The following TARBP1 variants were observed in gnomAD, a reference collection of about 807,000 sequenced individuals.
The protein encoded by TARBP1 is tRNA guanosine 2 -O-methyltransferase TARBP1, also known as tRNA (guanosine(18)-2'-O)-methyltransferase TARBP1.
In TARBP1, 144 loss-of-function variants were observed where a neutral mutation model predicts 178.6. That is an observed-to-expected ratio of 0.81 (90% CI 0.70 to 0.93). The LOEUF (loss-of-function observed/expected upper bound fraction) is 0.93, where lower values mean the gene tolerates loss of function less well. Ranked by LOEUF, TARBP1 falls within the 40% of genes least tolerant of loss-of-function variation. The pLI is 0.00. For synonymous variants in TARBP1, 787 were observed against 781.0 expected, an observed-to-expected ratio of 1.01 and a Z score of -0.13; for missense variants, 2,067 against 2,011.7, an observed-to-expected ratio of 1.03 and a Z score of -0.53.
intron 16 of TARBP1, 28 bp downstream of exon 16, chr1:234,429,388 G>A: frequency 6.3e-7 from 1 of 1,589,076 alleles, no homozygotes. Context: ...TATAGTTACT[G>A]TTCAATTCAT....
chr1:234,460,130 A>T, intron 7 of TARBP1, 131 bp downstream of exon 7: 1 of 1,027,086 alleles, frequency 9.7e-7, no homozygotes, highest in Non-Finnish European at 1.3e-6. Flanking sequence ...ATGTAAAATT[A>T]AGAGCCCAAA....
intron 11 of TARBP1, 30 bp from the exon 12 acceptor site, chr1:234,447,005 C>A (rs1318282186): frequency 1.2e-6 from 2 of 1,608,648 alleles, no homozygotes; most frequent in Admixed American, 1.7e-5. Context: ...CCAAAATCAA[C>A]CATTTCAAAA....
intron 20 of TARBP1, 122 bp downstream of exon 20, chr1:234,425,551 C>T (rs1023298406): frequency 6.4e-6 from 7 of 1,087,394 alleles, no homozygotes; most frequent in Non-Finnish European, 9.4e-6. Context: ...AAATACAGAA[C>T]ATAAACTTTG....
intron 24 of TARBP1, among the ~76,000 whole-genome samples, chr1:234,404,493 T>C (rs1661013832): frequency 1.3e-5 from 2 of 152,178 alleles, no homozygotes; most frequent in African/African-American, 2.4e-5. Flanking sequence ...CAGCCATGTA[T>C]TCACCAAATA....
chr1:234,475,266 C>G (rs1669470725), intron 1 of TARBP1, among the ~76,000 whole-genome samples: 5 of 152,198 alleles, frequency 3.3e-5, no homozygotes, highest in Admixed American at 2.6e-4. Flanking sequence ...ACGTGCCTGT[C>G]CCCCTGGACC....
chr1:234,459,101 C>A, intron 8 of TARBP1, 129 bp downstream of exon 8: 2 of 631,812 alleles, frequency 3.2e-6, no homozygotes, highest in Non-Finnish European at 5.4e-6. Flanking sequence ...TTATTACAAG[C>A]ACATTTATTA....
chr1:234,418,809 T>C (rs1256390178), intron 21 of TARBP1, among the ~76,000 whole-genome samples: 1 of 152,230 alleles, frequency 6.6e-6, no homozygotes, highest in East Asian at 1.9e-4. Flanking sequence ...AAAACTGTAT[T>C]TCTATCGGGG....
intron 3 of TARBP1, among the ~76,000 whole-genome samples, chr1:234,469,060 CTTTTTTT>C (rs765324709): frequency 0.023 from 1,542 of 68,290 alleles, 23 homozygotes; most frequent in Non-Finnish European, 0.031. Flanking sequence ...CGGTTTTTGC[CTTTTTTT>C]TTTTTTTTTT....
chr1:234,443,465 C>A (rs1398960269), intron 12 of TARBP1, among the ~76,000 whole-genome samples: 1 of 151,990 alleles, frequency 6.6e-6, no homozygotes, highest in African/African-American at 2.4e-5. Flanking sequence ...TTTTTAAAAG[C>A]CCATTAACGA....
chr1:234,478,365 C>T lies in TARBP1; in HGVS notation c.739G>A (p.Asp247Asn). 1 of 1,270,966 alleles carries T rather than the reference C, an allele frequency of 7.9e-7. No individual in the cohort carries two copies. Among genetic ancestry groups the T allele is most frequent in the Non-Finnish European group, 9.9e-7 (1 of 1,012,376 alleles). The allele number at this position is 1,270,966 out of a possible 1,614,324, so 78.7% of individuals were successfully genotyped here. A position where few individuals can be genotyped will look rare whatever the true frequency, so the allele number is the denominator to read the frequency against. The change falls in exon 1 of 30, where the codon GAC (aspartate) becomes AAC (asparagine). Residue 247 changes from aspartate (D) to asparagine (N), a missense_variant. By Grantham distance (23) the Asp-to-Asn change is conservative. Coordinates refer to ENST00000040877, the MANE Select transcript of TARBP1 (RefSeq NM_005646.4). ...GCCTCGCGCGCGCCGCGGGCGCGGT[C>T]GCCGCCGGGCTCGGGCAACAGCTTC... ...AEKLLPEPGG[D>N]RARGAREAGP...
intron 23 of TARBP1, among the ~76,000 whole-genome samples, chr1:234,408,380 G>A (rs991501140): frequency 6.6e-6 from 1 of 151,916 alleles, no homozygotes; most frequent in Non-Finnish European, 1.5e-5. Context: ...GAGAAACTTA[G>A]TTTAGTTTAT....
At chr1:234,448,383 G>T in intron 11 of TARBP1, 97 bp downstream of exon 11, 1 of 1,016,298 alleles carries the variant, frequency 9.8e-7, no homozygotes, top group Non-Finnish European at 1.5e-6. Flanking sequence ...ACACCTTGTG[G>T]TCAACTAAGT....
At chr1:234,472,924 T>C (rs890573517) in intron 1 of TARBP1, 113 bp from the exon 2 acceptor site, 10 of 806,480 alleles carry the variant, frequency 1.2e-5, no homozygotes, top group Non-Finnish European at 1.9e-5. Flanking sequence ...TCTCTAATAA[T>C]GGAGGTGCCC....
intron 20 of TARBP1, among the ~76,000 whole-genome samples, chr1:234,421,995 T>A (rs1663155872): frequency 6.6e-6 from 1 of 152,250 alleles, no homozygotes; most frequent in African/African-American, 2.4e-5. Context: ...TCCAGTGATG[T>A]TTAAAATCTC....
chr1:234,423,154 T>C lies in TARBP1; in HGVS notation c.3445-2342A>G, dbSNP rs1312601463. 3.3e-5 allele frequency among the ~76,000 whole-genome samples: 5 copies of C among 152,202 alleles called. No homozygotes were observed. In the East Asian group the frequency reaches 9.6e-4, roughly 29 times the overall value. ...AAGCATTTTGCTTTTTCTAGTCCGT[T>C]TTCCAAAGCAGCTGCACTGTTCTGT... On this transcript the variant is annotated intron_variant, in intron 20 of 29. Transcript: ENST00000040877.
At chr1:234,439,827 T>C (rs542936262) in intron 12 of TARBP1, among the ~76,000 whole-genome samples, 18 of 152,158 alleles carry the variant, frequency 1.2e-4, no homozygotes, top group African/African-American at 3.9e-4. Context: ...AAAGTTCCTC[T>C]CTCAGTAATA....
intron 1 of TARBP1, among the ~76,000 whole-genome samples, chr1:234,474,923 G>A (rs546601861): frequency 7.0e-4 from 107 of 152,298 alleles, no homozygotes; most frequent in African/African-American, 2.2e-3. Flanking sequence ...AATGCAACCT[G>A]AATTCTAAAA....
intron 14 of TARBP1, among the ~76,000 whole-genome samples, chr1:234,432,267 C>T (rs1664518444): frequency 6.6e-6 from 1 of 151,528 alleles, no homozygotes; most frequent in Non-Finnish European, 1.5e-5. Flanking sequence ...CATGGCAAAA[C>T]CCCAACTCTA....
intron 3 of TARBP1, 55 bp from the exon 4 acceptor site, chr1:234,467,705 A>G (rs6657924): frequency 6.8e-7 from 1 of 1,468,830 alleles, no homozygotes; most frequent in Non-Finnish European, 9.1e-7. Context: ...TTTCACCATC[A>G]AGACTACATA....
Sources: allele counts gnomAD v4.1 joint callset (sites outside exome capture counted in the v4.1 genomes callset), GRCh38; gene constraint gnomAD v4.1.1; transcripts MANE v1.5; gene names NCBI Gene and HGNC (gene_info 2026-07-23, HGNC 2026-07-21).